The following TRIM44 variants were observed in gnomAD, a reference collection of about 807,000 sequenced individuals.
TRIM44 encodes tripartite motif-containing protein 44.
Under a neutral mutation model 37.4 loss-of-function variants are expected in TRIM44, and 13 were observed. The ratio of observed to expected loss-of-function variants is 0.35; its 90% CI spans 0.23 to 0.55. The LOEUF (loss-of-function observed/expected upper bound fraction) is 0.55. Ranked by LOEUF, TRIM44 falls within the 20% of genes least tolerant of loss-of-function variation. The probability of loss-of-function intolerance (pLI) is 0.89; values close to 1 mark genes in which losing one functional copy is unlikely to be tolerated. For missense variants in TRIM44, 426 were observed against 437.2 expected (o/e 0.97, Z 0.23); for synonymous variants, 175 against 157.2 (o/e 1.11, Z -0.85).
chr11:35,700,061 G>T (rs958772943), intron 2 of TRIM44, among the ~76,000 whole-genome samples: 2 of 152,174 alleles, frequency 1.3e-5, no homozygotes, highest in Non-Finnish European at 2.9e-5. Flanking sequence ...TCCCCATGAA[G>T]CTACCAATGA....
intron 4 of TRIM44, among the ~76,000 whole-genome samples, chr11:35,792,869 T>C (rs139990819): frequency 1.0e-3 from 157 of 152,308 alleles, no homozygotes; most frequent in African/African-American, 3.6e-3. Flanking sequence ...TCAAATTTCA[T>C]CCTTTGGTAG....
intron 2 of TRIM44, among the ~76,000 whole-genome samples, chr11:35,689,840 A>G (rs895856562): frequency 6.6e-6 from 1 of 152,236 alleles, no homozygotes; most frequent in Non-Finnish European, 1.5e-5. Flanking sequence ...CCAAAAGTAC[A>G]ACATGCTAAG....
chr11:35,678,086 G>C (rs1851479947), intron 1 of TRIM44, among the ~76,000 whole-genome samples: 1 of 152,166 alleles, frequency 6.6e-6, no homozygotes, highest in South Asian at 2.1e-4. Flanking sequence ...GTAGTGGTGG[G>C]GTAGGGGTTG....
At chr11:35,721,358 A>G (rs542086836) in intron 2 of TRIM44, among the ~76,000 whole-genome samples, 3 of 152,360 alleles carry the variant, frequency 2.0e-5, no homozygotes, top group African/African-American at 7.2e-5. Flanking sequence ...AAGTACTTGT[A>G]ATTCCACCAT....
intron 3 of TRIM44, among the ~76,000 whole-genome samples, chr11:35,729,594 A>G (rs1033513679): frequency 2.0e-5 from 3 of 152,136 alleles, no homozygotes; most frequent in African/African-American, 7.2e-5. Context: ...CCCTGTAGTA[A>G]TGATTTGGTT....
At chr11:35,702,562 G>C (rs1343985290) in intron 2 of TRIM44, among the ~76,000 whole-genome samples, 1 of 152,216 alleles carries the variant, frequency 6.6e-6, no homozygotes, top group Non-Finnish European at 1.5e-5. Flanking sequence ...GTGAAGTGAT[G>C]TTACAGCAGA....
intron 4 of TRIM44, among the ~76,000 whole-genome samples, chr11:35,766,525 G>C (rs1369038574): frequency 6.6e-6 from 1 of 152,208 alleles, no homozygotes; most frequent in Non-Finnish European, 1.5e-5. Context: ...TTGGACAACA[G>C]AGTGCTCCTA....
At chr11:35,681,097 G>A (rs947239134) in intron 1 of TRIM44, among the ~76,000 whole-genome samples, 3 of 152,006 alleles carry the variant, frequency 2.0e-5, no homozygotes, top group African/African-American at 7.3e-5. Context: ...TGATTTTGGG[G>A]ACATTGTTTG....
chr11:35,669,488 A>T (rs1007111598), intron 1 of TRIM44, among the ~76,000 whole-genome samples: 1 of 151,640 alleles, frequency 6.6e-6, no homozygotes, highest in Non-Finnish European at 1.5e-5. Flanking sequence ...TTATTTATTT[A>T]TTTAGAGACG....
At chr11:35,789,309 G>A (rs1853171257) in intron 4 of TRIM44, among the ~76,000 whole-genome samples, 1 of 152,138 alleles carries the variant, frequency 6.6e-6, no homozygotes, top group African/African-American at 2.4e-5. Flanking sequence ...TTGGGACTGA[G>A]AATGTGAGAG....
In TRIM44 at chr11:35,735,408, T is replaced by C. The variant is rs1852315793; in HGVS notation, c.988-18T>C. ...CAACAGTGATTTCTAATACTGTTTC[T>C]TTCTGTTTGTCTTTCAGGGCGATGA... On this transcript the variant is annotated intron_variant, in intron 3 of 4. Transcript: ENST00000299413. 1 of 1,613,490 alleles carries C rather than the reference T, an allele frequency of 6.2e-7. No individual in the cohort carries two copies. The highest frequency in any genetic ancestry group is 8.5e-7 in the Non-Finnish European group (1 of 1,179,596).
At chr11:35,767,530 T>C (rs1852813451) in intron 4 of TRIM44, among the ~76,000 whole-genome samples, 1 of 152,060 alleles carries the variant, frequency 6.6e-6, no homozygotes, top group African/African-American at 2.4e-5. Flanking sequence ...GGTTGTATTA[T>C]GTCTCTGTGC....
chr11:35,678,357 G>A (rs1004199488), intron 1 of TRIM44, among the ~76,000 whole-genome samples: 8 of 152,008 alleles, frequency 5.3e-5, no homozygotes, highest in South Asian at 2.1e-4. Context: ...TTTAGAGTTC[G>A]GCCTAAAAAG....
chr11:35,719,504 C>G (rs1852076103), intron 2 of TRIM44, among the ~76,000 whole-genome samples: 1 of 152,024 alleles, frequency 6.6e-6, no homozygotes. Flanking sequence ...TTTTCCCAGT[C>G]TGTGGTTTCT....
chr11:35,705,149 T>A (rs1851861328), intron 2 of TRIM44, among the ~76,000 whole-genome samples: 1 of 147,604 alleles, frequency 6.8e-6, no homozygotes, highest in Non-Finnish European at 1.5e-5. Context: ...CCAACAAAGA[T>A]CAAAAGAGAC....
At chr11:35,670,355 G>A (rs1203849979) in intron 1 of TRIM44, among the ~76,000 whole-genome samples, 1 of 152,166 alleles carries the variant, frequency 6.6e-6, no homozygotes, top group Non-Finnish European at 1.5e-5. Flanking sequence ...GATGACTTCT[G>A]TACCACGATT....
chr11:35,777,862 G>A (rs556169694), intron 4 of TRIM44, among the ~76,000 whole-genome samples: 5 of 152,264 alleles, frequency 3.3e-5, no homozygotes, highest in South Asian at 2.1e-4. Context: ...TGGGTAACCC[G>A]ACCTTTCTCT....
chr11:35,703,107 C>G (rs1023995883), intron 2 of TRIM44, among the ~76,000 whole-genome samples: 14 of 152,216 alleles, frequency 9.2e-5, no homozygotes, highest in African/African-American at 3.1e-4. Flanking sequence ...GAGATTATAT[C>G]CCGCACATGG....
rs754876695 is a variant in TRIM44, at chr11:35,734,897, AC to A, written c.988-528del. On this transcript the variant is annotated intron_variant, in intron 3 of 4. Transcript: ENST00000299413. ...ATTAATGTTTGCCCAAGGACACATAACTAATAAGTAACAGAGCTTGGACTAG... is the reference window on the plus strand; with the variant it reads ...ATTAATGTTTGCCCAAGGACACATAATAATAAGTAACAGAGCTTGGACTAG... Among the ~76,000 whole-genome samples, 205 of 152,364 alleles carry A rather than the reference AC, an allele frequency of 1.3e-3. 1 individual carries two copies. Among genetic ancestry groups the A allele is most frequent in the Non-Finnish European group, 2.4e-3 (166 of 68,030 alleles).
Sources: gnomAD v4.1 joint callset for allele counts (sites outside exome capture counted in the v4.1 genomes callset) on GRCh38, gnomAD v4.1.1 for gene constraint, MANE v1.5 for transcripts, NCBI Gene and HGNC (gene_info 2026-07-23, HGNC 2026-07-21) for gene names.